The following FRMD4A variants were observed in gnomAD, a reference collection of about 807,000 sequenced individuals.
FRMD4A encodes FERM domain-containing protein 4A.
Under a neutral mutation model 129.1 loss-of-function variants are expected in FRMD4A, and 29 were observed. The observed-to-expected ratio is 0.22, with a 90% CI of 0.17 to 0.31. The LOEUF (loss-of-function observed/expected upper bound fraction) is 0.31. Among genes scored for constraint, FRMD4A ranks in the 10% least tolerant of loss-of-function variants. The probability of loss-of-function intolerance (pLI) is 1.00; values close to 1 mark genes in which losing one functional copy is unlikely to be tolerated. For synonymous variants in FRMD4A, 634 were observed against 571.6 expected, an observed-to-expected ratio of 1.11 and a Z score of -1.56; for missense variants, 1,272 against 1,375.8, an observed-to-expected ratio of 0.92 and a Z score of 1.19.
At chr10:13,743,100 C>A (rs1175200524) in intron 9 of FRMD4A, among the ~76,000 whole-genome samples, 2 of 152,152 alleles carry the variant, frequency 1.3e-5, no homozygotes, top group Admixed American at 1.3e-4. Flanking sequence ...CTACAGGGGG[C>A]CTTGCCTCAG....
intron 2 of FRMD4A, among the ~76,000 whole-genome samples, chr10:13,933,159 A>T (rs1179540282): frequency 1.1e-5 from 1 of 92,816 alleles, no homozygotes; most frequent in Admixed American, 1.1e-4. Flanking sequence ...ACTCTGTCTC[A>T]AAAAAAAAAA....
chr10:13,700,091 T>C (rs1381393354), intron 14 of FRMD4A, among the ~76,000 whole-genome samples: 1 of 152,026 alleles, frequency 6.6e-6, no homozygotes, highest in Non-Finnish European at 1.5e-5. Context: ...TTGTTTCATT[T>C]CGTCCTGTCC....
At chr10:13,891,937 G>A (rs1564986585) in intron 2 of FRMD4A, among the ~76,000 whole-genome samples, 1 of 148,420 alleles carries the variant, frequency 6.7e-6, no homozygotes, top group Non-Finnish European at 1.5e-5. Flanking sequence ...AGTCCCCGGC[G>A]CGCTGCTAGG....
chr10:13,782,024 A>T (rs1369650297), intron 6 of FRMD4A, among the ~76,000 whole-genome samples: 1 of 152,204 alleles, frequency 6.6e-6, no homozygotes, highest in Non-Finnish European at 1.5e-5. Context: ...ATTCTCACAA[A>T]TCACAACTAA....
In FRMD4A at chr10:14,111,249, T is replaced by C. The variant is rs907002803; in HGVS notation, c.45+218809A>G. ...TGGAATCCTACATTATTTCCTTTTA[T>C]GACTGGTTTATTTCACTTAGCATAA... is the stretch of plus-strand genomic sequence containing the variant. On this transcript the variant is annotated intron_variant, in intron 2 of 24. Transcript: ENST00000357447. 1.1e-4 allele frequency among the ~76,000 whole-genome samples: 17 copies of C among 152,366 alleles called. No homozygotes were observed. In the East Asian group the frequency reaches 3.3e-3, roughly 29 times the overall value.
chr10:14,115,051 C>T (rs991208651), intron 2 of FRMD4A, among the ~76,000 whole-genome samples: 1 of 152,184 alleles, frequency 6.6e-6, no homozygotes, highest in East Asian at 1.9e-4. Context: ...CTCCCCCACC[C>T]ACCAAGCAAG....
At chr10:13,814,978 C>T (rs2093518242) in intron 3 of FRMD4A, among the ~76,000 whole-genome samples, 1 of 152,000 alleles carries the variant, frequency 6.6e-6, no homozygotes. Context: ...TTTTATGTGG[C>T]AGAAATGGAG....
intron 2 of FRMD4A, among the ~76,000 whole-genome samples, chr10:14,191,676 T>C (rs1477291488): frequency 6.6e-6 from 1 of 152,248 alleles, no homozygotes; most frequent in African/African-American, 2.4e-5. Flanking sequence ...TATAGGGCCG[T>C]TGAAATCTAT....
At chr10:13,879,095 A>G (rs1338755731) in intron 2 of FRMD4A, among the ~76,000 whole-genome samples, 5 of 152,238 alleles carry the variant, frequency 3.3e-5, no homozygotes, top group Non-Finnish European at 5.9e-5. Flanking sequence ...TTAAATAAGC[A>G]TAGTTTATTG....
intron 3 of FRMD4A, among the ~76,000 whole-genome samples, chr10:13,837,337 C>A (rs1324103794): frequency 6.6e-6 from 1 of 152,156 alleles, no homozygotes; most frequent in African/African-American, 2.4e-5. Context: ...CTGGGCCGAG[C>A]CCAGCAAGGT....
intron 2 of FRMD4A, among the ~76,000 whole-genome samples, chr10:14,018,843 G>A (rs866683439): frequency 4.6e-5 from 7 of 152,242 alleles, no homozygotes; most frequent in Admixed American, 6.5e-5. Context: ...TGAGTAGCTC[G>A]GGGCATGCAG....
At chr10:13,921,791 A>G (rs1344557814) in intron 2 of FRMD4A, among the ~76,000 whole-genome samples, 1 of 152,198 alleles carries the variant, frequency 6.6e-6, no homozygotes. Context: ...GTGTGGTTCC[A>G]GTGCTCTTAC....
rs1778517730 is a variant in FRMD4A at position 13,722,451 on chromosome 10, G to A, written c.760-15338C>T. 4.3e-5 allele frequency among the ~76,000 whole-genome samples: 6 copies of A among 139,980 alleles called. No homozygotes were observed. The South Asian group carries it at 1.4e-3, about 33-fold the overall frequency. 91.8% of individuals were successfully genotyped at this position (139,980 alleles called of 152,430 possible). A position where few individuals can be genotyped will look rare whatever the true frequency, so the allele number is the denominator to read the frequency against. ...GTAGAGTCGAGGGTCTCTCTATGTT[G>A]TCCAGGATGGTCTTGAACTCCTGGC... On this transcript the variant is annotated intron_variant, in intron 12 of 24. Coordinates refer to ENST00000357447, the MANE Select transcript of FRMD4A (RefSeq NM_018027.5).
intron 2 of FRMD4A, among the ~76,000 whole-genome samples, chr10:13,954,152 T>C (rs958202327): frequency 2.0e-5 from 3 of 152,202 alleles, no homozygotes; most frequent in Non-Finnish European, 4.4e-5. Flanking sequence ...TGGGTTGTGT[T>C]GGTAAAGAAA....
At chr10:14,294,879 GCCCTC>G (rs1845961043) in intron 2 of FRMD4A, among the ~76,000 whole-genome samples, 1 of 152,166 alleles carries the variant, frequency 6.6e-6, no homozygotes, top group Non-Finnish European at 1.5e-5. Flanking sequence ...CATAGCATCT[GCCCTC>G]AGAATCATTC....
intron 2 of FRMD4A, among the ~76,000 whole-genome samples, chr10:14,298,456 A>C (rs1049906242): frequency 2.0e-5 from 3 of 152,200 alleles, no homozygotes; most frequent in Non-Finnish European, 4.4e-5. Context: ...GTGGCAAACC[A>C]GGCAGGACAC....
At chr10:14,221,216 G>T (rs1443147021) in intron 2 of FRMD4A, among the ~76,000 whole-genome samples, 1 of 152,138 alleles carries the variant, frequency 6.6e-6, no homozygotes, top group African/African-American at 2.4e-5. Flanking sequence ...CTGCCCTGAG[G>T]CCCCTTAACT....
At position 13,720,459 on chromosome 10, in the gene FRMD4A, A is replaced by G. The variant is rs11258553; in HGVS notation, c.760-13346T>C. On this transcript the variant is annotated intron_variant, in intron 12 of 24. Coordinates refer to ENST00000357447, the MANE Select transcript of FRMD4A (RefSeq NM_018027.5). ...AAATGATTAGATATTCTGCTCCGGCAACTTTTATCCATTCAACAACCACGT... is the reference window on the plus strand; with the variant it reads ...AAATGATTAGATATTCTGCTCCGGCGACTTTTATCCATTCAACAACCACGT... Among the ~76,000 whole-genome samples the G allele has an allele frequency of 0.011, 1,751 of 152,316 alleles. 66 individuals are homozygous for G. In the South Asian group the frequency reaches 0.12, roughly 10 times the overall value.
intron 3 of FRMD4A, among the ~76,000 whole-genome samples, chr10:13,819,943 C>G (rs548112890): frequency 6.6e-6 from 1 of 152,262 alleles, no homozygotes; most frequent in South Asian, 2.1e-4. Flanking sequence ...AGGCTGGTCT[C>G]GAACTCCTGA....
Sources: allele counts gnomAD v4.1 joint callset (sites outside exome capture counted in the v4.1 genomes callset), GRCh38; gene constraint gnomAD v4.1.1; transcripts MANE v1.5; gene names NCBI Gene and HGNC (gene_info 2026-07-23, HGNC 2026-07-21).